The following UPRT variants were observed in gnomAD, a reference collection of about 807,000 sequenced individuals.
UPRT encodes uracil phosphoribosyltransferase homolog, also known as RP11-311P8.3.
Under a neutral mutation model 22.6 loss-of-function variants are expected in UPRT, and 5 were observed. The ratio of observed to expected loss-of-function variants is 0.22; its 90% confidence interval spans 0.12 to 0.47. The LOEUF (loss-of-function observed/expected upper bound fraction) is 0.47. UPRT is among the 20% of genes least tolerant of loss of function. The probability of loss-of-function intolerance (pLI) is 0.99; values close to 1 mark genes in which losing one functional copy is unlikely to be tolerated. For synonymous variants in UPRT, 77 were observed against 87.7 expected (o/e 0.88, Z 0.68); for missense variants, 181 against 239.9 (o/e 0.75, Z 1.62).
At position 75,303,787 on chromosome X, in the gene UPRT, AATTT is replaced by A. The variant is rs1454021350; in HGVS notation, c.*279_*282del. The A allele has an allele frequency of 8.5e-5, 15 of 176,983 alleles. No individual in the cohort carries two copies. The highest frequency in any genetic ancestry group is 3.9e-3 in the Middle Eastern group (2 of 508). 14.6% of individuals were successfully genotyped at this position (176,983 alleles called of 1,213,427 possible). A position where few individuals can be genotyped will look rare whatever the true frequency, so the allele number is the denominator to read the frequency against. On this transcript the variant is annotated 3_prime_UTR_variant, in exon 7 of 7. Coordinates refer to ENST00000373383, the MANE Select transcript of UPRT (RefSeq NM_145052.4). ...CCTCAGTGCATTAAAATTATTTCCTAATTTATGAGCCTCTTAGTTTGGAGGTTGC... is the reference window on the plus strand; with the variant it reads ...CCTCAGTGCATTAAAATTATTTCCTAATGAGCCTCTTAGTTTGGAGGTTGC...
chrX:75,249,070 G>A (rs762296204), intron 4 of UPRT, among the ~76,000 whole-genome samples: 1 of 111,456 alleles, frequency 9.0e-6, no homozygotes, highest in Non-Finnish European at 1.9e-5. Flanking sequence ...TGTTAAACAC[G>A]GAGAGGAACA....
In UPRT at chrX:75,191,248, G is replaced by C. The variant is rs749381176; in HGVS notation, c.-447+23369G>C. Among the ~76,000 whole-genome samples the C allele has an allele frequency of 7.1e-5, 8 of 112,442 alleles. No homozygotes were observed. The South Asian group carries it at 2.6e-3, about 36-fold the overall frequency. Reference sequence around the variant, plus strand: ...TGGAGTTTGCTGGAAGTCCACTCCAGACCCTGTTTGCCTGGTTATCAGCAG... The same window carrying C: ...TGGAGTTTGCTGGAAGTCCACTCCACACCCTGTTTGCCTGGTTATCAGCAG... On this transcript the variant is annotated intron_variant, in intron 4 of 13. Transcript: ENST00000652605.
chrX:75,233,650 G>T (rs2082448177), intron 4 of UPRT, among the ~76,000 whole-genome samples: 1 of 111,175 alleles, frequency 9.0e-6, no homozygotes, highest in Non-Finnish European at 1.9e-5. Context: ...TTAAAGAAAA[G>T]AATTTTAAAC....
At chrX:75,200,320 A>G (rs1353173592) in intron 4 of UPRT, among the ~76,000 whole-genome samples, 2 of 112,426 alleles carry the variant, frequency 1.8e-5, no homozygotes, top group African/African-American at 6.5e-5. Context: ...TTGGCTGGGC[A>G]TGGTGGCTCT....
intron 4 of UPRT, among the ~76,000 whole-genome samples, chrX:75,260,089 A>G (rs1002884586): frequency 1.8e-5 from 2 of 112,163 alleles, no homozygotes; most frequent in Non-Finnish European, 3.8e-5. Context: ...CCTGCCTTAC[A>G]AGAGCTCCTG....
chrX:75,235,159 T>A (rs1202645482), intron 4 of UPRT, among the ~76,000 whole-genome samples: 1 of 110,588 alleles, frequency 9.0e-6, no homozygotes, highest in Non-Finnish European at 1.9e-5. Flanking sequence ...TATAAACACA[T>A]CTATGCAAAT....
chrX:75,191,925 C>T (rs2082316634), intron 4 of UPRT, among the ~76,000 whole-genome samples: 2 of 111,479 alleles, frequency 1.8e-5, no homozygotes, highest in African/African-American at 3.3e-5. Flanking sequence ...GGCGATGCCT[C>T]ACCCTGCTTT....
chrX:75,178,728 G>A lies in UPRT; in HGVS notation c.-447+10849G>A, dbSNP rs751347596. Reference sequence around the variant, plus strand: ...GGGCTCGTGGTCTCTCTGGGCTCAGGAGTGAAGCTGCAGATCTTTGCGGTG... The same window carrying A: ...GGGCTCGTGGTCTCTCTGGGCTCAGAAGTGAAGCTGCAGATCTTTGCGGTG... On this transcript the variant is annotated intron_variant, in intron 4 of 13. Transcript: ENST00000652605. Among the ~76,000 whole-genome samples the A allele has an allele frequency of 1.2e-3, 132 of 111,004 alleles. No individual in the cohort carries two copies. In the Middle Eastern group the frequency reaches 0.014, roughly 12 times the overall value.
At chrX:75,186,788 G>T (rs1483689758) in intron 4 of UPRT, among the ~76,000 whole-genome samples, 1 of 111,418 alleles carries the variant, frequency 9.0e-6, no homozygotes, top group African/African-American at 3.3e-5. Flanking sequence ...GGCCTTCTTT[G>T]TCTCTTTCGA....
chrX:75,196,953 T>C (rs1193057267), intron 4 of UPRT, among the ~76,000 whole-genome samples: 3 of 111,872 alleles, frequency 2.7e-5, no homozygotes, highest in African/African-American at 9.7e-5. Context: ...CTGTTTCTAG[T>C]AAATCGGGCT....
At chrX:75,227,217 T>G (rs1394283486) in intron 4 of UPRT, among the ~76,000 whole-genome samples, 5 of 111,748 alleles carry the variant, frequency 4.5e-5, no homozygotes, top group Non-Finnish European at 9.4e-5. Context: ...CTGGTGGTTT[T>G]CTAATCTCCT....
At chrX:75,203,843 G>C (rs2082355626) in intron 4 of UPRT, among the ~76,000 whole-genome samples, 1 of 111,886 alleles carries the variant, frequency 8.9e-6, no homozygotes, top group South Asian at 3.8e-4. Context: ...GTTTCACTTT[G>C]ACCAAGGTCT....
chrX:75,300,905 A>G lies in UPRT; in HGVS notation c.763A>G (p.Ile255Val), dbSNP rs2082741993. The G allele has an allele frequency of 1.7e-6, 2 of 1,208,249 alleles. No homozygotes were observed. Residue 255 changes from isoleucine to valine, a missense_variant, in exon 6 of 7, where the codon ATA becomes GTA. By Grantham distance (29) the Ile-to-Val change is conservative. Transcript: ENST00000373383. ...NTVIEAVKVL[I>V]EHGVQPSVII... Reference sequence around the variant, plus strand: ...TGTAATTGAAGCTGTAAAGGTTCTTATAGAACATGGAGTTCAACCCAGTGT... The same window carrying G: ...TGTAATTGAAGCTGTAAAGGTTCTTGTAGAACATGGAGTTCAACCCAGTGT...
intron 4 of UPRT, among the ~76,000 whole-genome samples, chrX:75,221,914 GTATT>G (rs1453644633): frequency 9.0e-6 from 1 of 111,497 alleles, no homozygotes; most frequent in Non-Finnish European, 1.9e-5. Context: ...GAGTGGTTAG[GTATT>G]TATTGTAGTT....
intron 4 of UPRT, among the ~76,000 whole-genome samples, chrX:75,193,464 G>GT (rs2082322868): frequency 9.0e-6 from 1 of 111,427 alleles, no homozygotes; most frequent in Non-Finnish European, 1.9e-5. Flanking sequence ...TTCTTGTGTA[G>GT]TATTTTGCAG....
At chrX:75,206,364 G>A (rs1200373159) in intron 4 of UPRT, among the ~76,000 whole-genome samples, 3 of 111,105 alleles carry the variant, frequency 2.7e-5, no homozygotes, top group Non-Finnish European at 5.7e-5. Flanking sequence ...TGTGGGGAAA[G>A]GAGGTCATTT....
At chrX:75,184,454 G>C in intron 4 of UPRT, among the ~76,000 whole-genome samples, 1 of 103,273 alleles carries the variant, frequency 9.7e-6, no homozygotes. Context: ...AAGTCAGGTA[G>C]TGTGATGCCT....
chrX:75,183,143 G>C (rs1392980748), intron 4 of UPRT, among the ~76,000 whole-genome samples: 1 of 110,295 alleles, frequency 9.1e-6, no homozygotes. Flanking sequence ...ATTTACATTA[G>C]GTATATCTCC....
intron 4 of UPRT, among the ~76,000 whole-genome samples, chrX:75,239,699 GA>G (rs1206756676): frequency 9.0e-6 from 1 of 111,182 alleles, no homozygotes; most frequent in Non-Finnish European, 1.9e-5. Flanking sequence ...AAATATCCTT[GA>G]CAAAATACCA....
Sources: allele counts gnomAD v4.1 joint callset (sites outside exome capture counted in the v4.1 genomes callset), GRCh38; gene constraint gnomAD v4.1.1; transcripts MANE v1.5; gene names NCBI Gene and HGNC (gene_info 2026-07-23, HGNC 2026-07-21).